The following KIF26A variants were observed in gnomAD, a reference collection of about 807,000 sequenced individuals.
KIF26A encodes the protein kinesin family member 26A, also known as kinesin-like protein KIF26A.
In KIF26A, 74 loss-of-function variants were observed where a neutral mutation model predicts 126.0. The ratio of observed to expected loss-of-function variants is 0.59; its 90% CI spans 0.49 to 0.71. KIF26A has a LOEUF of 0.71. KIF26A is among the 30% of genes least tolerant of loss of function. The probability of loss-of-function intolerance (pLI) is 0.00; values close to 1 mark genes in which losing one functional copy is unlikely to be tolerated. For synonymous variants in KIF26A, 1,445 were observed against 1,232.7 expected (o/e 1.17, Z -3.61); for missense variants, 2,984 against 2,763.3 (o/e 1.08, Z -1.79).
rs758248198 is a variant in KIF26A, at chr14:104,167,016, A to G, written c.1081A>G (p.Lys361Glu). 8 of 1,579,580 alleles carry G rather than the reference A, an allele frequency of 5.1e-6. No individual in the cohort carries two copies. The highest frequency in any genetic ancestry group is 3.6e-5 in the Admixed American group (2 of 55,352). The change falls in exon 5 of 15, where the codon AAG becomes GAG. Residue 361 changes from lysine to glutamate, a missense_variant. Coordinates refer to ENST00000423312, the MANE Select transcript of KIF26A (RefSeq NM_015656.2). Reference protein sequence around the residue: ...APPCLLRAASKTKDNPGSIGK... With the variant: ...APPCLLRAASETKDNPGSIGK... Reference sequence around the variant, plus strand: ...CCCCTGCCTGCTCAGGGCCGCCTCCAAGACCAAGGACAACCCTGGCAGCAT... The same window carrying G: ...CCCCTGCCTGCTCAGGGCCGCCTCCGAGACCAAGGACAACCCTGGCAGCAT...
intron 2 of KIF26A, among the ~76,000 whole-genome samples, chr14:104,146,581 T>C (rs921370934): frequency 2.6e-5 from 4 of 151,052 alleles, no homozygotes; most frequent in African/African-American, 9.8e-5. Context: ...CCCCACGTGG[T>C]GGGGAAGAAG....
intron 2 of KIF26A, among the ~76,000 whole-genome samples, chr14:104,150,109 G>A (rs1254770350): frequency 6.7e-6 from 1 of 148,588 alleles, no homozygotes; most frequent in Non-Finnish European, 1.5e-5. Flanking sequence ...CTCTGGTAGG[G>A]CCCTCCCCCT....
chr14:104,171,264 C>G (rs1302321832), intron 5 of KIF26A, among the ~76,000 whole-genome samples: 2 of 152,234 alleles, frequency 1.3e-5, no homozygotes, highest in African/African-American at 4.8e-5. Flanking sequence ...CGCCAGCCCT[C>G]TGCGGCTCTC....
rs995485914 is a variant in KIF26A at position 104,179,274 on chromosome 14, G to A, written c.5355G>A (p.Glu1785=). The A allele has an allele frequency of 8.5e-6, 13 of 1,527,950 alleles. No homozygotes were observed. The highest frequency in any genetic ancestry group is 9.6e-6 in the Non-Finnish European group (11 of 1,141,876). The allele number at this position is 1,527,950 out of a possible 1,614,324, so 94.6% of individuals were successfully genotyped here. ...ACVSTRLRLA[E]RRQQRLREVQ... The stretch of plus-strand genomic sequence containing the variant: ...TCAGTACAAGGCTGCGGCTGGCGGA[G>A]CGCAGGCAGCAGCGGCTGCGGGAGG... Residue 1785 remains glutamate, a synonymous_variant, in exon 14 of 15, where the codon GAG becomes GAA. Coordinates refer to ENST00000423312, the MANE Select transcript of KIF26A (RefSeq NM_015656.2).
At position 104,138,621 on chromosome 14, in the gene KIF26A, C is replaced by T; in HGVS notation, c.-102C>T. ...CTCTGCGAACTTCCGAGCGGCTGGG[C>T]CGGGCCATGGGGGCGCCTCGGGGCC... On this transcript the variant is annotated 5_prime_UTR_variant, in exon 1 of 15. Transcript: ENST00000423312. 4.2e-6 allele frequency: 4 copies of T among 953,904 alleles called. No individual in the cohort carries two copies. The highest frequency in any genetic ancestry group is 5.4e-6 in the Non-Finnish European group (4 of 746,838). 59.1% of individuals were successfully genotyped at this position (953,904 alleles called of 1,614,324 possible). A position where few individuals can be genotyped will look rare whatever the true frequency, so the allele number is the denominator to read the frequency against.
chr14:104,149,708 G>A (rs1256888107), intron 2 of KIF26A, among the ~76,000 whole-genome samples: 3 of 152,170 alleles, frequency 2.0e-5, no homozygotes, highest in Admixed American at 2.0e-4. Context: ...AGGTCGATCC[G>A]GGCTTCCTCC....
intron 3 of KIF26A, among the ~76,000 whole-genome samples, chr14:104,154,076 C>G (rs1243406032): frequency 6.6e-6 from 1 of 152,236 alleles, no homozygotes; most frequent in East Asian, 1.9e-4. Context: ...GTAATTTCCC[C>G]TGAACCAGGG....
chr14:104,173,586 C>T, intron 9 of KIF26A, 73 bp downstream of exon 9: 2 of 1,501,458 alleles, frequency 1.3e-6, no homozygotes, highest in South Asian at 2.6e-5. Context: ...AGGGGCCTGT[C>T]ATCCAGTGGC....
At chr14:104,145,761 G>A (rs936893452) in intron 2 of KIF26A, among the ~76,000 whole-genome samples, 2 of 152,148 alleles carry the variant, frequency 1.3e-5, no homozygotes, top group African/African-American at 2.4e-5. Context: ...TGCCGCCAAC[G>A]TGGCCTCCAC....
intron 4 of KIF26A, among the ~76,000 whole-genome samples, chr14:104,158,385 G>T (rs1303660855): frequency 3.3e-5 from 5 of 152,240 alleles, no homozygotes. Context: ...CTCAGCTGTG[G>T]ACATTGGGGG....
In KIF26A at chr14:104,175,659, G is replaced by T. The variant is rs373620948; in HGVS notation, c.2871G>T (p.Gln957His). The change falls in exon 12 of 15, where the codon CAG (glutamine) becomes CAT (histidine). Residue 957 changes from glutamine to histidine, a missense_variant. By Grantham distance (24) the Gln-to-His change is conservative. Transcript: ENST00000423312. ...PLPSPAPPPP[Q>H]LLEACRAPEE... Reference sequence around the variant, plus strand: ...CCAGCCCGGCTCCCCCACCTCCTCAGTTGCTGGAAGCCTGCAGAGCCCCAG... The same window carrying T: ...CCAGCCCGGCTCCCCCACCTCCTCATTTGCTGGAAGCCTGCAGAGCCCCAG... The T allele has an allele frequency of 6.8e-6, 11 of 1,609,068 alleles. No individual in the cohort carries two copies. The highest frequency in any genetic ancestry group is 7.6e-6 in the Non-Finnish European group (9 of 1,178,884).
In KIF26A at chr14:104,176,611, G is replaced by T; in HGVS notation, c.3823G>T (p.Val1275Leu). Residue 1275 changes from valine to leucine, a missense_variant, in exon 12 of 15, where the codon GTG becomes TTG. By Grantham distance (32) the Val-to-Leu change is conservative. Coordinates refer to ENST00000423312, the MANE Select transcript of KIF26A (RefSeq NM_015656.2). Reference protein sequence around the residue: ...LGSPRLPEAQVMLACAQRVVD... With the variant: ...LGSPRLPEAQLMLACAQRVVD... ...CTCCCCCCGGCTGCCTGAGGCCCAG[G>T]TGATGCTAGCCTGTGCCCAGAGAGT... 6.2e-7 allele frequency: 1 copy of T among 1,609,190 alleles called. No individual in the cohort carries two copies.
At chr14:104,172,783 G>A (rs996728182) in intron 7 of KIF26A, 115 bp downstream of exon 7, 8 of 1,072,504 alleles carry the variant, frequency 7.5e-6, no homozygotes, top group South Asian at 3.1e-5. Flanking sequence ...CACATGGGCC[G>A]TGGTGGGCAT....
At chr14:104,172,541 G>A (rs748110083) in intron 6 of KIF26A, 34 bp from the exon 7 acceptor site, 11 of 1,543,916 alleles carry the variant, frequency 7.1e-6, no homozygotes, top group Admixed American at 3.4e-5. Context: ...GAAGGAAGGG[G>A]CCACAGCCCT....
Position 104,155,795 on chromosome 14 carries a change from G to A in KIF26A, c.736-1960G>A, listed in dbSNP as rs558708674. ...CAGGCCTGTACCGTTGCTGGGCGGG[G>A]CCGGAACCTTCTGGCCGGAGGTGGA... On this transcript the variant is annotated intron_variant, in intron 3 of 14. Transcript: ENST00000423312. 7.9e-5 allele frequency among the ~76,000 whole-genome samples: 12 copies of A among 152,374 alleles called. No homozygotes were observed. In the South Asian group the frequency reaches 1.9e-3, roughly 24 times the overall value.
chr14:104,176,192 C>G lies in KIF26A; in HGVS notation c.3404C>G (p.Pro1135Arg), dbSNP rs775637979. 2.5e-5 allele frequency: 40 copies of G among 1,599,498 alleles called. No individual in the cohort carries two copies. Among genetic ancestry groups the G allele is most frequent in the Middle Eastern group, 3.3e-4 (2 of 5,998 alleles). ...RDPTPQPRFS[P>R]DSLAGLDPGG... ...CCCACGCCGCAGCCCCGCTTCAGCC[C>G]CGACTCGCTGGCAGGGCTTGACCCT... The change falls in exon 12 of 15, where the codon CCC becomes CGC. Residue 1135 changes from proline (P) to arginine (R), a missense_variant. By Grantham distance (103) the Pro-to-Arg change is moderately radical. Coordinates refer to ENST00000423312, the MANE Select transcript of KIF26A (RefSeq NM_015656.2).
At chr14:104,171,600 C>A (rs1406357725) in intron 5 of KIF26A, 123 bp from the exon 6 acceptor site, 2 of 769,574 alleles carry the variant, frequency 2.6e-6, no homozygotes, top group Admixed American at 4.8e-5. Context: ...CACATTCCTG[C>A]GGTGGGGGTG....
chr14:104,138,919 C>T, intron 1 of KIF26A, 124 bp from the exon 2 acceptor site: 1 of 1,272,540 alleles, frequency 7.9e-7, no homozygotes, highest in Non-Finnish European at 9.9e-7. Flanking sequence ...AGTGGGTGAG[C>T]GCCAGGGTCG....
intron 13 of KIF26A, among the ~76,000 whole-genome samples, chr14:104,179,025 C>G (rs1475118601): frequency 6.6e-6 from 1 of 152,138 alleles, no homozygotes; most frequent in Non-Finnish European, 1.5e-5. Context: ...GAATTCTCCC[C>G]TGTCGTGGGG....
Sources: gnomAD v4.1 joint callset for allele counts (sites outside exome capture counted in the v4.1 genomes callset) on GRCh38, gnomAD v4.1.1 for gene constraint, MANE v1.5 for transcripts, NCBI Gene and HGNC (gene_info 2026-07-23, HGNC 2026-07-21) for gene names.